The following CDH18 variants were observed in gnomAD, a reference collection of about 807,000 sequenced individuals.
The protein encoded by CDH18 is cadherin 18.
In CDH18, 31 loss-of-function variants were observed where a neutral mutation model predicts 67.9. The observed-to-expected ratio is 0.46, with a 90% CI of 0.34 to 0.62. The LOEUF is 0.62. CDH18 is among the 20% of genes least tolerant of loss of function. The pLI is 0.01. For synonymous variants in CDH18, 362 were observed against 347.2 expected (o/e 1.04, Z -0.48); for missense variants, 890 against 975.5 (o/e 0.91, Z 1.17).
At position 19,543,868 on chromosome 5, in the gene CDH18, C is replaced by T; in HGVS notation, c.1390+1G>A. On this transcript the variant is annotated splice_donor_variant, in intron 9 of 12. Coordinates refer to ENST00000382275, the MANE Select transcript of CDH18 (RefSeq NM_004934.5). LOFTEE classifies it high-confidence loss of function. Reference sequence around the variant, plus strand: ...TTACTGTGATACATAAAGTAGTTTACCAATTTCTGAAGCAGTGACTGTGAT... The same window carrying T: ...TTACTGTGATACATAAAGTAGTTTATCAATTTCTGAAGCAGTGACTGTGAT... 1 of 1,572,022 alleles carries T rather than the reference C, an allele frequency of 6.4e-7. No individual in the cohort carries two copies. Among genetic ancestry groups the T allele is most frequent in the Non-Finnish European group, 8.7e-7 (1 of 1,155,488 alleles).
At chr5:19,885,860 T>C (rs1579429181) in intron 2 of CDH18, among the ~76,000 whole-genome samples, 1 of 152,196 alleles carries the variant, frequency 6.6e-6, no homozygotes, top group East Asian at 1.9e-4. Flanking sequence ...AAAAGGAATG[T>C]GTTTACAATT....
At chr5:20,209,534 T>A (rs912495897) in intron 2 of CDH18, among the ~76,000 whole-genome samples, 2 of 152,084 alleles carry the variant, frequency 1.3e-5, no homozygotes, top group Admixed American at 6.6e-5. Context: ...CGTGGGAGCT[T>A]AAAATGTTGA....
chr5:19,833,732 G>C (rs574657635), intron 3 of CDH18, among the ~76,000 whole-genome samples: 1 of 152,014 alleles, frequency 6.6e-6, no homozygotes. Flanking sequence ...TAACATGAAC[G>C]GATGTTAAAT....
chr5:20,398,776 C>G (rs1231231735), intron 1 of CDH18, among the ~76,000 whole-genome samples: 1 of 151,362 alleles, frequency 6.6e-6, no homozygotes, highest in African/African-American at 2.4e-5. Flanking sequence ...CACACGTATA[C>G]CTACGTAGAA....
At chr5:19,767,559 CAT>C (rs1349396029) in intron 3 of CDH18, among the ~76,000 whole-genome samples, 1 of 151,772 alleles carries the variant, frequency 6.6e-6, no homozygotes, top group Non-Finnish European at 1.5e-5. Flanking sequence ...CTGAAAAAGT[CAT>C]AGAGAAATTA....
At chr5:20,560,880 C>T (rs1431948728) in intron 1 of CDH18, among the ~76,000 whole-genome samples, 1 of 151,934 alleles carries the variant, frequency 6.6e-6, no homozygotes, top group East Asian at 1.9e-4. Flanking sequence ...TCAAAAAGGT[C>T]TATTATCCAA....
intron 2 of CDH18, among the ~76,000 whole-genome samples, chr5:19,906,623 G>A (rs1790571742): frequency 6.6e-6 from 1 of 151,952 alleles, no homozygotes; most frequent in Admixed American, 6.6e-5. Flanking sequence ...TTTTGTACAA[G>A]ATGGTTTGAA....
intron 1 of CDH18, among the ~76,000 whole-genome samples, chr5:20,463,419 A>G (rs1751412343): frequency 6.6e-6 from 1 of 152,128 alleles, no homozygotes; most frequent in Non-Finnish European, 1.5e-5. Context: ...TGGGTAATTT[A>G]TAAAGAAATT....
At chr5:20,517,686 T>C (rs1755464404) in intron 1 of CDH18, among the ~76,000 whole-genome samples, 1 of 152,060 alleles carries the variant, frequency 6.6e-6, no homozygotes, top group African/African-American at 2.4e-5. Flanking sequence ...GTATTACATA[T>C]ACCAGAATTC....
intron 1 of CDH18, among the ~76,000 whole-genome samples, chr5:20,509,465 C>T (rs924912095): frequency 4.0e-5 from 6 of 149,258 alleles, no homozygotes; most frequent in African/African-American, 9.8e-5. Context: ...TGCAGTGGCA[C>T]GATCTTCACT....
At chr5:19,896,834 T>C (rs1789395639) in intron 2 of CDH18, among the ~76,000 whole-genome samples, 1 of 152,218 alleles carries the variant, frequency 6.6e-6, no homozygotes. Flanking sequence ...TATTGCATTA[T>C]AACTTTACAA....
chr5:19,478,062 A>G (rs1477222963), intron 12 of CDH18, among the ~76,000 whole-genome samples: 1 of 152,094 alleles, frequency 6.6e-6, no homozygotes, highest in African/African-American at 2.4e-5. Context: ...AGTTTTATGA[A>G]TTAATTTTAT....
chr5:20,203,955 G>GA (rs1354141538), intron 2 of CDH18, among the ~76,000 whole-genome samples: 3 of 150,414 alleles, frequency 2.0e-5, no homozygotes, highest in African/African-American at 7.3e-5. Flanking sequence ...AATCAGAGGA[G>GA]AAAAAGAAAA....
chr5:20,260,380 T>C (rs768210827), intron 1 of CDH18, among the ~76,000 whole-genome samples: 10 of 152,000 alleles, frequency 6.6e-5, no homozygotes, highest in Non-Finnish European at 1.5e-4. Flanking sequence ...CAGTAGAGAA[T>C]TGTGCTCCAG....
chr5:20,154,474 C>G (rs1321757581), intron 2 of CDH18, among the ~76,000 whole-genome samples: 2 of 152,098 alleles, frequency 1.3e-5, no homozygotes, highest in African/African-American at 4.8e-5. Context: ...ACTTATTTTA[C>G]ATTTCATTTT....
intron 6 of CDH18, among the ~76,000 whole-genome samples, chr5:19,598,388 C>G (rs751153014): frequency 6.6e-6 from 1 of 151,978 alleles, no homozygotes; most frequent in Admixed American, 6.6e-5. Flanking sequence ...TCCAACTTTA[C>G]GCTGGGCATT....
chr5:19,701,211 CT>C (rs1763205729), intron 5 of CDH18, among the ~76,000 whole-genome samples: 1 of 152,016 alleles, frequency 6.6e-6, no homozygotes, highest in Non-Finnish European at 1.5e-5. Flanking sequence ...TCAGATAGCT[CT>C]GTGAAGGACA....
intron 1 of CDH18, among the ~76,000 whole-genome samples, chr5:20,442,975 C>T (rs961187268): frequency 8.6e-5 from 13 of 151,290 alleles, no homozygotes; most frequent in Non-Finnish European, 1.6e-4. Context: ...TTTGGGAGGC[C>T]GAGGCGGGCG....
At chr5:19,984,164 C>T (rs1316554396) in intron 1 of CDH18, among the ~76,000 whole-genome samples, 1 of 151,952 alleles carries the variant, frequency 6.6e-6, no homozygotes, top group Non-Finnish European at 1.5e-5. Context: ...TATTTGTGCA[C>T]ATGGGTTTAT....
Sources: allele counts gnomAD v4.1 joint callset (sites outside exome capture counted in the v4.1 genomes callset), GRCh38; gene constraint gnomAD v4.1.1; transcripts MANE v1.5; gene names NCBI Gene and HGNC (gene_info 2026-07-23, HGNC 2026-07-21).